NRG1: variants seen among roughly 807,000 people sequenced by gnomAD.
NRG1 encodes neuregulin 1.
Under a neutral mutation model 63.8 loss-of-function variants are expected in NRG1, and 18 were observed. The ratio of observed to expected loss-of-function variants is 0.28; its 90% CI spans 0.19 to 0.42. The LOEUF is 0.42. Ranked by LOEUF, NRG1 falls within the 10% of genes least tolerant of loss-of-function variation. The probability of loss-of-function intolerance (pLI) is 1.00; values close to 1 mark genes in which losing one functional copy is unlikely to be tolerated. For missense variants in NRG1, 762 were observed against 814.7 expected, an observed-to-expected ratio of 0.94 and a Z score of 0.79; for synonymous variants, 302 against 301.3, an observed-to-expected ratio of 1.00 and a Z score of -0.02.
intron 1 of NRG1, among the ~76,000 whole-genome samples, chr8:31,786,238 G>A (rs1165401398): frequency 6.6e-6 from 1 of 152,210 alleles, no homozygotes; most frequent in Non-Finnish European, 1.5e-5. Context: ...TCTCCATGCT[G>A]CATATGTGTG....
At chr8:31,822,759 G>A (rs1824125084) in intron 1 of NRG1, among the ~76,000 whole-genome samples, 1 of 152,092 alleles carries the variant, frequency 6.6e-6, no homozygotes, top group African/African-American at 2.4e-5. Flanking sequence ...TTTATATGCA[G>A]GGGTGTTAGA....
intron 2 of NRG1, among the ~76,000 whole-genome samples, chr8:32,602,083 T>G (rs28429666): frequency 0.04 from 6,102 of 152,226 alleles, 403 homozygotes; most frequent in African/African-American, 0.14. Context: ...TGATGTTCTG[T>G]CTTAGGATTC....
At chr8:32,247,438 A>G (rs938528954) in intron 1 of NRG1, among the ~76,000 whole-genome samples, 1 of 152,136 alleles carries the variant, frequency 6.6e-6, no homozygotes, top group African/African-American at 2.4e-5. Flanking sequence ...ATAGTAACAT[A>G]TCAAATAAAC....
intron 1 of NRG1, among the ~76,000 whole-genome samples, chr8:32,325,239 G>C (rs1801855640): frequency 6.6e-6 from 1 of 152,140 alleles, no homozygotes. Context: ...GTTTTACTAG[G>C]CTTTATAGCA....
intron 1 of NRG1, among the ~76,000 whole-genome samples, chr8:31,860,704 G>A (rs1828393957): frequency 6.6e-6 from 1 of 152,100 alleles, no homozygotes; most frequent in African/African-American, 2.4e-5. Flanking sequence ...TAATATAAAA[G>A]CCAGTCTAGG....
At chr8:32,053,907 A>G (rs775533398) in intron 1 of NRG1, among the ~76,000 whole-genome samples, 3 of 152,320 alleles carry the variant, frequency 2.0e-5, no homozygotes, top group South Asian at 2.1e-4. Context: ...GTTCTTTCTC[A>G]TTAACTTCCA....
At chr8:32,059,104 TGAAAA>T (rs1306920815) in intron 1 of NRG1, among the ~76,000 whole-genome samples, 4 of 152,242 alleles carry the variant, frequency 2.6e-5, no homozygotes, top group Middle Eastern at 6.8e-3. Context: ...TCTAACTCAC[TGAAAA>T]GAAAAGATTC....
chr8:32,025,698 C>T (rs986751176), intron 1 of NRG1, among the ~76,000 whole-genome samples: 42 of 151,922 alleles, frequency 2.8e-4, no homozygotes, highest in African/African-American at 9.4e-4. Context: ...CTGTAATCCC[C>T]GCACTCTGGG....
chr8:32,647,956 C>G (rs746684766), intron 5 of NRG1: 3 of 1,614,184 alleles, frequency 1.9e-6, no homozygotes, highest in Non-Finnish European at 2.5e-6. Flanking sequence ...TGCATTGTCC[C>G]CATCCTGGCT....
At chr8:32,548,903 GCCTCTCCCTCCC>G in intron 1 of NRG1, 77 bp downstream of exon 1, 1 of 1,466,740 alleles carries the variant, frequency 6.8e-7, no homozygotes, top group Non-Finnish European at 9.0e-7. Context: ...GGATGCCGTG[GCCTCTCCCTCCC>G]CCTCTCCCTC....
chr8:32,630,920 A>C (rs1490106904), intron 5 of NRG1, among the ~76,000 whole-genome samples: 1 of 152,190 alleles, frequency 6.6e-6, no homozygotes, highest in East Asian at 1.9e-4. Flanking sequence ...GCAATATATC[A>C]GTTGGAACAC....
At chr8:32,715,238 A>G (rs979317142) in intron 5 of NRG1, among the ~76,000 whole-genome samples, 1 of 152,092 alleles carries the variant, frequency 6.6e-6, no homozygotes, top group African/African-American at 2.4e-5. Context: ...TACACGTGTG[A>G]ACAACTACAC....
chr8:31,981,090 T>C (rs1808992256), intron 1 of NRG1, among the ~76,000 whole-genome samples: 1 of 152,052 alleles, frequency 6.6e-6, no homozygotes, highest in Admixed American at 6.6e-5. Flanking sequence ...CTCTGTAATG[T>C]ATGCAAAATT....
chr8:31,729,925 C>G (rs1373149736), intron 1 of NRG1, among the ~76,000 whole-genome samples: 1 of 152,132 alleles, frequency 6.6e-6, no homozygotes, highest in Non-Finnish European at 1.5e-5. Flanking sequence ...GAGCCCAATT[C>G]TTTCTCTAAG....
chr8:32,675,679 T>C (rs1354415144), intron 5 of NRG1, among the ~76,000 whole-genome samples: 1 of 152,136 alleles, frequency 6.6e-6, no homozygotes, highest in Admixed American at 6.6e-5. Flanking sequence ...GATTGGGGAA[T>C]AGAGATAAGT....
intron 1 of NRG1, among the ~76,000 whole-genome samples, chr8:32,386,960 A>T (rs1811097963): frequency 6.7e-6 from 1 of 149,262 alleles, no homozygotes; most frequent in Admixed American, 6.7e-5. Context: ...AACAAAACTC[A>T]CATATGTAAA....
intron 1 of NRG1, among the ~76,000 whole-genome samples, chr8:31,666,198 A>G: frequency 6.6e-6 from 1 of 152,232 alleles, no homozygotes; most frequent in Middle Eastern, 3.2e-3. Flanking sequence ...AAATGTTAAA[A>G]GCCTTTTAGA....
intron 1 of NRG1, among the ~76,000 whole-genome samples, chr8:32,092,441 G>A (rs1415042742): frequency 8.1e-6 from 1 of 123,032 alleles, no homozygotes; most frequent in Non-Finnish European, 1.6e-5. Flanking sequence ...CAGCCTGGGT[G>A]ACAGAGCAAG....
chr8:32,262,835 A>C (rs1312997337), intron 1 of NRG1, among the ~76,000 whole-genome samples: 1 of 152,164 alleles, frequency 6.6e-6, no homozygotes, highest in Non-Finnish European at 1.5e-5. Flanking sequence ...AGGTTAGAAA[A>C]TATGTAAATA....
Sources: allele counts gnomAD v4.1 joint callset (sites outside exome capture counted in the v4.1 genomes callset), GRCh38; gene constraint gnomAD v4.1.1; transcripts MANE v1.5; gene names NCBI Gene and HGNC (gene_info 2026-07-23, HGNC 2026-07-21).